Variants in DAB1 observed in about 807,000 individuals in gnomAD.
The protein encoded by DAB1 is DAB adaptor protein 1.
DAB1 carries 15 observed loss-of-function variants against 64.6 expected under a neutral mutation model. That is an observed-to-expected ratio of 0.23 (90% CI 0.16 to 0.36). The LOEUF (loss-of-function observed/expected upper bound fraction) is 0.36, where lower values mean the gene tolerates loss of function less well. Among genes scored for constraint, DAB1 ranks in the 10% least tolerant of loss-of-function variants. The pLI, the probability that DAB1 is intolerant of heterozygous loss-of-function variation, is 1.00. For missense variants in DAB1, 596 were observed against 706.7 expected, an observed-to-expected ratio of 0.84 and a Z score of 1.78; for synonymous variants, 235 against 251.9, an observed-to-expected ratio of 0.93 and a Z score of 0.64.
intron 2 of DAB1, among the ~76,000 whole-genome samples, chr1:58,514,655 C>T (rs1322318709): frequency 1.3e-5 from 2 of 152,060 alleles, no homozygotes; most frequent in South Asian, 4.1e-4. Flanking sequence ...TCATCTGAGA[C>T]AATACTACAA....
chr1:57,841,406 CAGTG>C (rs1653041577), intron 1 of DAB1, among the ~76,000 whole-genome samples: 1 of 152,226 alleles, frequency 6.6e-6, no homozygotes, highest in Non-Finnish European at 1.5e-5. Flanking sequence ...CTCCACTAGG[CAGTG>C]CCCCAGTGAG....
upstream of DAB1, chr1:57,424,124 C>G (rs1312168974): frequency 1.3e-5 from 2 of 149,942 alleles, no homozygotes; most frequent in African/African-American, 2.4e-5. Context: ...CCCGCGCGGA[C>G]CCGCCTCCTC....
chr1:57,750,156 T>C (rs12145343), intron 6 of DAB1, among the ~76,000 whole-genome samples: 27,311 of 152,162 alleles, frequency 0.18, 3,105 homozygotes, highest in Admixed American at 0.29. Context: ...GATCTTTTCC[T>C]GGGATATTCA....
chr1:57,439,425 C>CTT (rs71051230), intron 7 of DAB1, among the ~76,000 whole-genome samples: 770 of 97,922 alleles, frequency 7.9e-3, no homozygotes, highest in East Asian at 0.011. Context: ...GAGGTTTTTT[C>CTT]TTTTTTTTTT....
chr1:57,966,443 C>T (rs376799374), intron 5 of DAB1, among the ~76,000 whole-genome samples: 77 of 152,188 alleles, frequency 5.1e-4, no homozygotes, highest in African/African-American at 1.8e-3. Flanking sequence ...ACTGAGGCAC[C>T]CAGCCAACAT....
chr1:57,172,648 A>G (rs1661894337), intron 2 of DAB1, among the ~76,000 whole-genome samples: 1 of 152,156 alleles, frequency 6.6e-6, no homozygotes, highest in Admixed American at 6.5e-5. Flanking sequence ...TTCAGAGATC[A>G]CATGATGAGA....
chr1:57,320,152 C>T (rs765592810), intron 1 of DAB1, among the ~76,000 whole-genome samples: 7 of 152,122 alleles, frequency 4.6e-5, no homozygotes, highest in Non-Finnish European at 1.0e-4. Flanking sequence ...AAGGGAAGGA[C>T]CTAGTGGGAG....
At chr1:58,222,459 C>T (rs1347751209) in intron 4 of DAB1, among the ~76,000 whole-genome samples, 2 of 152,206 alleles carry the variant, frequency 1.3e-5, no homozygotes, top group Admixed American at 6.5e-5. Flanking sequence ...ATAGAACTGA[C>T]TTTCTACATT....
chr1:57,037,989 G>T (rs764764759), intron 9 of DAB1, among the ~76,000 whole-genome samples: 1 of 152,130 alleles, frequency 6.6e-6, no homozygotes, highest in Admixed American at 6.5e-5. Flanking sequence ...CATGCCTGAT[G>T]AACTAAATTT....
chr1:57,479,198 G>A (rs999314031), intron 7 of DAB1, among the ~76,000 whole-genome samples: 24 of 152,162 alleles, frequency 1.6e-4, no homozygotes, highest in Admixed American at 1.4e-3. Context: ...GCATTTACAG[G>A]ACATCTGTAA....
intron 4 of DAB1, among the ~76,000 whole-genome samples, chr1:58,309,607 G>A (rs1408853985): frequency 6.6e-6 from 1 of 152,124 alleles, no homozygotes; most frequent in Non-Finnish European, 1.5e-5. Context: ...CCAACTACAA[G>A]TCCACTGCCT....
At chr1:57,373,140 G>A (rs556674230) in intron 1 of DAB1, among the ~76,000 whole-genome samples, 5 of 152,186 alleles carry the variant, frequency 3.3e-5, no homozygotes, top group Admixed American at 3.3e-4. Context: ...AGCTGTGCTT[G>A]TGACACTGTC....
chr1:57,364,172 C>A (rs981664230), intron 1 of DAB1, among the ~76,000 whole-genome samples: 2 of 152,094 alleles, frequency 1.3e-5, no homozygotes, highest in African/African-American at 4.8e-5. Flanking sequence ...ATGCCTAGGG[C>A]TGGCATTAAT....
intron 7 of DAB1, among the ~76,000 whole-genome samples, chr1:57,448,109 C>G (rs1686216701): frequency 6.6e-6 from 1 of 152,138 alleles, no homozygotes; most frequent in African/African-American, 2.4e-5. Flanking sequence ...TTGTAGGCAG[C>G]CTCCTTGAGT....
chr1:58,021,279 T>C (rs1342858806), intron 5 of DAB1, among the ~76,000 whole-genome samples: 1 of 152,236 alleles, frequency 6.6e-6, no homozygotes, highest in Non-Finnish European at 1.5e-5. Context: ...CATGTGCGTA[T>C]GACCTAAATC....
At position 57,724,312 on chromosome 1, in the gene DAB1, G is replaced by A. The variant is rs1399268972; in HGVS notation, n.552-74647C>T. Reference sequence around the variant, plus strand: ...GAAGGAAGGAAGGAAGGGAGGGAGGGAGGGAGGAAGGAAGGAAGGAAGAGA... The same window carrying A: ...GAAGGAAGGAAGGAAGGGAGGGAGGAAGGGAGGAAGGAAGGAAGGAAGAGA... On this transcript the variant is annotated intron_variant and non_coding_transcript_variant, in intron 6 of 20. Coordinates refer to the DAB1 transcript ENST00000485760. Among the ~76,000 whole-genome samples the A allele has an allele frequency of 7.4e-5, 10 of 134,784 alleles. No individual in the cohort carries two copies. The East Asian group carries it at 2.2e-3, about 30-fold the overall frequency. The allele number at this position is 134,784 out of a possible 152,430, so 88.4% of individuals were successfully genotyped here.
At chr1:57,971,466 G>A (rs994758058) in intron 5 of DAB1, among the ~76,000 whole-genome samples, 14 of 152,174 alleles carry the variant, frequency 9.2e-5, no homozygotes, top group African/African-American at 3.4e-4. Context: ...TAGTGTGAGG[G>A]AAAGGGCCAG....
intron 4 of DAB1, among the ~76,000 whole-genome samples, chr1:57,135,675 T>C (rs1160142667): frequency 6.6e-6 from 1 of 152,194 alleles, no homozygotes; most frequent in African/African-American, 2.4e-5. Context: ...ACTACCCTTA[T>C]GTTATCTTCA....
At chr1:58,295,011 G>T (rs529536382) in intron 4 of DAB1, among the ~76,000 whole-genome samples, 2 of 152,128 alleles carry the variant, frequency 1.3e-5, no homozygotes, top group East Asian at 3.9e-4. Flanking sequence ...CATTAGCAAA[G>T]CACTTTATGG....
Sources: gnomAD v4.1 joint callset for allele counts (sites outside exome capture counted in the v4.1 genomes callset) on GRCh38, gnomAD v4.1.1 for gene constraint, MANE v1.5 for transcripts, NCBI Gene and HGNC (gene_info 2026-07-23, HGNC 2026-07-21) for gene names.